Variants in GMDS observed in about 807,000 individuals in gnomAD.
GMDS encodes the protein GDP-mannose 4,6 dehydratase.
A neutral mutation model predicts 49.9 loss-of-function variants in GMDS; 20 were observed. The ratio of observed to expected loss-of-function variants is 0.40; its 90% confidence interval spans 0.28 to 0.58. The LOEUF is 0.58. GMDS is among the 20% of genes least tolerant of loss of function. The pLI is 0.42. For missense variants in GMDS, 362 were observed against 481.4 expected, an observed-to-expected ratio of 0.75 and a Z score of 2.32; for synonymous variants, 177 against 178.6, an observed-to-expected ratio of 0.99 and a Z score of 0.07.
intron 7 of GMDS, among the ~76,000 whole-genome samples, chr6:1,785,852 C>A (rs1222391114): frequency 1.3e-5 from 2 of 152,226 alleles, no homozygotes; most frequent in Non-Finnish European, 2.9e-5. Flanking sequence ...ATTTTCTGCG[C>A]ACCATTCAGC....
At chr6:1,831,394 G>A (rs765597953) in intron 7 of GMDS, among the ~76,000 whole-genome samples, 9 of 152,218 alleles carry the variant, frequency 5.9e-5, no homozygotes, top group East Asian at 5.8e-4. Flanking sequence ...TAAGGGAAGC[G>A]TGAAGGGAAA....
intron 7 of GMDS, among the ~76,000 whole-genome samples, chr6:1,893,872 C>T (rs1306427147): frequency 6.6e-6 from 1 of 152,122 alleles, no homozygotes; most frequent in Admixed American, 6.5e-5. Flanking sequence ...AACCTTTTTA[C>T]AAAAATGGAG....
chr6:1,726,635 G>A, intron 8 of GMDS, 123 bp from the exon 9 acceptor site: 1 of 679,632 alleles, frequency 1.5e-6, no homozygotes. Context: ...AACCACAGCA[G>A]CACAGGCTGA....
At chr6:1,757,334 A>C (rs1251184920) in intron 7 of GMDS, among the ~76,000 whole-genome samples, 1 of 152,156 alleles carries the variant, frequency 6.6e-6, no homozygotes, top group Non-Finnish European at 1.5e-5. Context: ...TGTTTCCTGG[A>C]GCGTGCCAAG....
chr6:1,624,492 T>C lies in GMDS; in HGVS notation c.1036A>G (p.Lys346Glu), dbSNP rs556778703. ...CTKAKQKLNW[K>E]PRVAFDELVR... is the part of the protein sequence containing the mutation. ...CTCACATCGAAAGCGACCCGGGGCT[T>C]CCAGTTCAGCTTCTGTTTCGCTTTG... is the stretch of plus-strand genomic sequence containing the variant. Residue 346 changes from lysine (K) to glutamate (E), a missense_variant, in exon 10 of 11, where the codon AAG (lysine) becomes GAG (glutamate). Physicochemically the swap from Lys to Glu is moderately conservative, Grantham distance 56. Transcript: ENST00000380815. 6.2e-7 allele frequency: 1 copy of C among 1,613,834 alleles called. No individual in the cohort carries two copies. Among genetic ancestry groups the C allele is most frequent in the Admixed American group, 1.7e-5 (1 of 60,018 alleles).
At chr6:1,795,915 C>G (rs149185653) in intron 7 of GMDS, among the ~76,000 whole-genome samples, 98 of 152,196 alleles carry the variant, frequency 6.4e-4, no homozygotes, top group African/African-American at 2.3e-3. Context: ...GTCACAGTGA[C>G]CCAATAAACA....
At chr6:2,156,839 A>G (rs903081505) in intron 1 of GMDS, among the ~76,000 whole-genome samples, 1 of 152,180 alleles carries the variant, frequency 6.6e-6, no homozygotes, top group Non-Finnish European at 1.5e-5. Flanking sequence ...ACTTTCTTCA[A>G]TGTTCTGTTA....
chr6:1,793,836 A>T (rs1363270243), intron 7 of GMDS, among the ~76,000 whole-genome samples: 3 of 152,222 alleles, frequency 2.0e-5, no homozygotes, highest in African/African-American at 4.8e-5. Flanking sequence ...CTAAGATTTT[A>T]AAAAAACAGA....
intron 7 of GMDS, among the ~76,000 whole-genome samples, chr6:1,922,636 A>T (rs1761774274): frequency 6.6e-6 from 1 of 152,124 alleles, no homozygotes; most frequent in Non-Finnish European, 1.5e-5. Context: ...TCCTCTGCCT[A>T]TAAAGACCCC....
chr6:1,869,131 T>C (rs1270328560), intron 7 of GMDS, among the ~76,000 whole-genome samples: 2 of 152,192 alleles, frequency 1.3e-5, no homozygotes, highest in Admixed American at 1.3e-4. Flanking sequence ...AAGGCTCTAC[T>C]GGGGGAGATA....
intron 1 of GMDS, among the ~76,000 whole-genome samples, chr6:2,204,787 T>C (rs898587915): frequency 1.3e-5 from 2 of 152,330 alleles, no homozygotes; most frequent in Middle Eastern, 3.4e-3. Context: ...GATCATCATA[T>C]AATGTCCCTT....
At chr6:1,733,801 G>A (rs1253505812) in intron 8 of GMDS, among the ~76,000 whole-genome samples, 2 of 151,898 alleles carry the variant, frequency 1.3e-5, no homozygotes, top group Admixed American at 6.5e-5. Flanking sequence ...GCGGTGAGCC[G>A]AGATCGTGCT....
chr6:2,102,003 A>G (rs1773951818), intron 4 of GMDS, among the ~76,000 whole-genome samples: 2 of 152,156 alleles, frequency 1.3e-5, no homozygotes, highest in African/African-American at 4.8e-5. Context: ...TTAATTAACC[A>G]TGTGAAAGTT....
intron 4 of GMDS, among the ~76,000 whole-genome samples, chr6:2,077,217 T>C (rs1248620028): frequency 6.6e-6 from 1 of 152,144 alleles, no homozygotes; most frequent in African/African-American, 2.4e-5. Context: ...TCTAATAAGA[T>C]CACGTCATCT....
intron 4 of GMDS, among the ~76,000 whole-genome samples, chr6:2,004,294 G>C (rs541946803): frequency 1.4e-4 from 22 of 152,240 alleles, no homozygotes; most frequent in African/African-American, 5.3e-4. Context: ...ACTTTTTCTG[G>C]ATATAGTGCT....
At chr6:2,231,332 G>C (rs546810756) in intron 1 of GMDS, among the ~76,000 whole-genome samples, 133 of 152,208 alleles carry the variant, frequency 8.7e-4, no homozygotes, top group African/African-American at 3.0e-3. Flanking sequence ...CCTGAGGTGG[G>C]CGGATGGCTT....
At chr6:2,090,538 A>C (rs1773258063) in intron 4 of GMDS, among the ~76,000 whole-genome samples, 2 of 152,240 alleles carry the variant, frequency 1.3e-5, no homozygotes, top group African/African-American at 2.4e-5. Context: ...AATAAACAGA[A>C]ATAGATTTTT....
chr6:2,141,566 C>T (rs184704574), intron 1 of GMDS, among the ~76,000 whole-genome samples: 7 of 152,218 alleles, frequency 4.6e-5, no homozygotes, highest in Middle Eastern at 3.4e-3. Context: ...AAACCGTGAA[C>T]GCTGACGGAG....
chr6:2,004,971 A>G (rs1767063750), intron 4 of GMDS, among the ~76,000 whole-genome samples: 1 of 152,236 alleles, frequency 6.6e-6, no homozygotes, highest in Non-Finnish European at 1.5e-5. Context: ...CACAGATTTA[A>G]TAACCAGATA....
Sources: gnomAD v4.1 joint callset for allele counts (sites outside exome capture counted in the v4.1 genomes callset) on GRCh38, gnomAD v4.1.1 for gene constraint, MANE v1.5 for transcripts, NCBI Gene and HGNC (gene_info 2026-07-23, HGNC 2026-07-21) for gene names.